CCDC7: variants seen among roughly 807,000 people sequenced by gnomAD.
CCDC7 encodes the protein coiled-coil domain containing 7.
In CCDC7, 183 loss-of-function variants were observed where a neutral mutation model predicts 196.9. The ratio of observed to expected loss-of-function variants is 0.93; its 90% CI spans 0.82 to 1.05. CCDC7 has a LOEUF of 1.05. Among genes scored for constraint, CCDC7 ranks in the 50% least tolerant of loss-of-function variants. The pLI is 0.00. For synonymous variants in CCDC7, 525 were observed against 484.6 expected (o/e 1.08, Z -1.10); for missense variants, 1,540 against 1,482.2 (o/e 1.04, Z -0.64).
At chr10:32,663,058 C>G (rs143205288) in intron 20 of CCDC7, among the ~76,000 whole-genome samples, 1 of 151,900 alleles carries the variant, frequency 6.6e-6, no homozygotes, top group East Asian at 1.9e-4. Context: ...GTAACACTTT[C>G]CCCCTACCCA....
upstream of CCDC7, among the ~76,000 whole-genome samples, chr10:32,445,254 G>A (rs1163200295): frequency 6.6e-6 from 1 of 152,082 alleles, no homozygotes; most frequent in Non-Finnish European, 1.5e-5. Context: ...AACCCCAATG[G>A]TAACTCCTAG....
intron 11 of CCDC7, among the ~76,000 whole-genome samples, chr10:32,525,873 C>A (rs893472763): frequency 1.3e-5 from 2 of 152,190 alleles, no homozygotes; most frequent in African/African-American, 4.8e-5. Flanking sequence ...CAGAGTCTCT[C>A]TCTCTCTGCT....
intron 18 of CCDC7, among the ~76,000 whole-genome samples, chr10:32,604,837 T>C (rs57583883): frequency 0.05 from 7,591 of 152,192 alleles, 620 homozygotes; most frequent in African/African-American, 0.17. Flanking sequence ...AATCTTTAGG[T>C]ATTTCTGTAT....
At chr10:32,620,178 C>T (rs376153494) in intron 18 of CCDC7, among the ~76,000 whole-genome samples, 60 of 152,072 alleles carry the variant, frequency 3.9e-4, no homozygotes, top group African/African-American at 1.4e-3. Context: ...CCGTCTTGAC[C>T]TCCCAACATG....
chr10:32,794,184 G>A (rs2083175551), intron 29 of CCDC7, among the ~76,000 whole-genome samples: 2 of 152,186 alleles, frequency 1.3e-5, no homozygotes, highest in Non-Finnish European at 1.5e-5. Context: ...GCAGTATTTG[G>A]TTTTCTGTCC....
chr10:32,511,526 G>A (rs904577776), intron 9 of CCDC7: 5 of 1,604,030 alleles, frequency 3.1e-6, no homozygotes, highest in Non-Finnish European at 4.3e-6. Flanking sequence ...TCCTTGGGTT[G>A]CCAAATAAAC....
intron 28 of CCDC7, among the ~76,000 whole-genome samples, chr10:32,767,381 G>A (rs889083748): frequency 2.0e-5 from 3 of 152,128 alleles, no homozygotes; most frequent in Non-Finnish European, 2.9e-5. Context: ...ATTTCAGGGA[G>A]CCAAGTGGTA....
chr10:32,876,611 A>G, downstream of CCDC7: 2 of 376,866 alleles, frequency 5.3e-6, no homozygotes, highest in African/African-American at 2.1e-5. Flanking sequence ...TTACTTTATT[A>G]CTTTTCTTTT....
chr10:32,604,062 T>C (rs2061339695), intron 18 of CCDC7, among the ~76,000 whole-genome samples: 1 of 152,168 alleles, frequency 6.6e-6, no homozygotes, highest in African/African-American at 2.4e-5. Flanking sequence ...CGTTTTCTTC[T>C]AGTAGTTTTA....
intron 18 of CCDC7, among the ~76,000 whole-genome samples, chr10:32,606,112 TG>T (rs140707822): frequency 0.052 from 7,846 of 152,306 alleles, 663 homozygotes; most frequent in African/African-American, 0.18. Flanking sequence ...GCTAGAGCCT[TG>T]GGTGCAAAGG....
intron 28 of CCDC7, among the ~76,000 whole-genome samples, chr10:32,775,448 A>G (rs1296282614): frequency 4.6e-5 from 7 of 152,208 alleles, no homozygotes; most frequent in Non-Finnish European, 1.5e-5. Flanking sequence ...GACGTTGAGT[A>G]CTTTGAAGAT....
intron 16 of CCDC7, among the ~76,000 whole-genome samples, chr10:32,580,591 G>A (rs2058645444): frequency 6.6e-6 from 1 of 151,758 alleles, no homozygotes. Context: ...ACAAACTTCG[G>A]GTCCTAGATA....
At chr10:32,876,470 G>C (rs1447903384), downstream of CCDC7, 3 of 1,395,982 alleles carry the variant, frequency 2.1e-6, no homozygotes, top group African/African-American at 1.4e-5. Flanking sequence ...AAGTATAGAA[G>C]CCTTTTGAAA....
intron 18 of CCDC7, among the ~76,000 whole-genome samples, chr10:32,615,761 G>T (rs1216681788): frequency 6.6e-6 from 1 of 152,058 alleles, no homozygotes; most frequent in East Asian, 1.9e-4. Context: ...TCAATGTCCA[G>T]AAGAGTTTTT....
chr10:32,717,892 TA>T (rs1470975300), intron 25 of CCDC7, among the ~76,000 whole-genome samples: 1 of 48,526 alleles, frequency 2.1e-5, no homozygotes, highest in East Asian at 7.5e-4. Context: ...ATTAATAGCC[TA>T]CCAAAAAAAA....
chr10:32,471,026 G>A (rs778506818), intron 5 of CCDC7, 38 bp from the exon 7 acceptor site: 88 of 1,505,526 alleles, frequency 5.8e-5, no homozygotes, highest in Non-Finnish European at 7.4e-5. Context: ...GAACAAAATG[G>A]GTATTTACTA....
intron 20 of CCDC7, among the ~76,000 whole-genome samples, chr10:32,640,942 G>GT (rs111529999): frequency 0.12 from 15,913 of 135,466 alleles, 1,042 homozygotes; most frequent in South Asian, 0.28. Flanking sequence ...AGTTACATAT[G>GT]TATACATGTG....
At position 32,711,706 on chromosome 10, in the gene CCDC7, A is replaced by G. The variant is rs747162295; in HGVS notation, c.2545A>G (p.Thr849Ala). The G allele has an allele frequency of 3.2e-6, 5 of 1,583,716 alleles. No individual in the cohort carries two copies. In the South Asian group the frequency reaches 5.8e-5, roughly 18 times the overall value. ...CCAAGTGCAATTAGAGATTCAAGAAACTTCTGAAGGAGAAGGACGTAGCAG... is the reference window on the plus strand; with the variant it reads ...CCAAGTGCAATTAGAGATTCAAGAAGCTTCTGAAGGAGAAGGACGTAGCAG... Residue 849 changes from threonine to alanine, a missense_variant, in exon 25 of 42, where the codon ACT becomes GCT. By Grantham distance (58) the Thr-to-Ala change is moderately conservative. Transcript: ENST00000639629.
In CCDC7 at chr10:32,696,902, T is replaced by C. The variant is rs144702202; in HGVS notation, c.2458+1910T>C. The stretch of plus-strand genomic sequence containing the variant: ...GTATCACAATAAATGAAAAAAATTA[T>C]GATCTAGATCAGTGGTCCTCAACCT... On this transcript the variant is annotated intron_variant, in intron 24 of 41. Coordinates refer to ENST00000639629, the Ensembl canonical transcript of CCDC7. Among the ~76,000 whole-genome samples the C allele has an allele frequency of 2.0e-4, 30 of 152,348 alleles. No homozygotes were observed. The East Asian group carries it at 5.8e-3, about 29-fold the overall frequency.
Sources: allele counts gnomAD v4.1 joint callset (sites outside exome capture counted in the v4.1 genomes callset), GRCh38; gene constraint gnomAD v4.1.1; transcripts MANE v1.5; gene names NCBI Gene and HGNC (gene_info 2026-07-23, HGNC 2026-07-21).